The following ZFYVE26 variants were observed in gnomAD, a reference collection of about 807,000 sequenced individuals.
The protein encoded by ZFYVE26 is zinc finger FYVE-type containing 26.
Under a neutral mutation model 276.5 loss-of-function variants are expected in ZFYVE26, and 181 were observed. The observed-to-expected ratio is 0.65, with a 90% CI of 0.58 to 0.74. ZFYVE26 has a LOEUF of 0.74. Among genes scored for constraint, ZFYVE26 ranks in the 30% least tolerant of loss-of-function variants. The probability of loss-of-function intolerance (pLI) is 0.00; values close to 1 mark genes in which losing one functional copy is unlikely to be tolerated. For missense variants in ZFYVE26, 2,821 were observed against 3,097.9 expected, an observed-to-expected ratio of 0.91 and a Z score of 2.12; for synonymous variants, 1,129 against 1,203.1, an observed-to-expected ratio of 0.94 and a Z score of 1.27.
At position 67,798,799 on chromosome 14, in the gene ZFYVE26, A is replaced by C. The variant is rs7159622; in HGVS notation, c.1640-177T>G. Among the ~76,000 whole-genome samples the C allele has an allele frequency of 0.69, 105,492 of 152,184 alleles. 37,035 individuals carry two copies. The highest frequency in any genetic ancestry group is 0.98 in the East Asian group (5,052 of 5,170). ...GAATAAGAGACTTAGGATGTCTTTT[A>C]ATGATTTGCAGAAAGATTTTGCCAT... On this transcript the variant is annotated intron_variant, in intron 10 of 41. Coordinates refer to ENST00000347230, the MANE Select transcript of ZFYVE26 (RefSeq NM_015346.4).
intron 8 of ZFYVE26, 66 bp downstream of exon 8, chr14:67,805,151 A>G (rs2040150896): frequency 6.7e-7 from 1 of 1,501,268 alleles, no homozygotes; most frequent in African/African-American, 1.4e-5. Context: ...TGAAATGGCC[A>G]CACATGCGGA....
intron 16 of ZFYVE26, among the ~76,000 whole-genome samples, chr14:67,788,788 C>T (rs1461011509): frequency 6.6e-6 from 1 of 152,194 alleles, no homozygotes; most frequent in Non-Finnish European, 1.5e-5. Flanking sequence ...TTCCTTTCTC[C>T]TCCACTGCTC....
chr14:67,792,258 C>T (rs1022826581), intron 14 of ZFYVE26, among the ~76,000 whole-genome samples: 1 of 152,030 alleles, frequency 6.6e-6, no homozygotes, highest in Non-Finnish European at 1.5e-5. Flanking sequence ...TTCTGACCTA[C>T]ATGTTACGTA....
Position 67,807,915 on chromosome 14 carries a change from C to G in ZFYVE26, c.369G>C (p.Leu123=), listed in dbSNP as rs918553976. ...GDIPENILEE[L]YETLTQGAVG... ...CTGCACCCTGTGTTAAGGTCTCATACAGCTCCTAAATAGAGGATGAAGAAA... is the reference window on the plus strand; with the variant it reads ...CTGCACCCTGTGTTAAGGTCTCATAGAGCTCCTAAATAGAGGATGAAGAAA... The change falls in exon 5 of 42, where the codon CTG becomes CTC. Residue 123 remains leucine (L), a synonymous_variant. Transcript: ENST00000347230. The G allele has an allele frequency of 6.2e-7, 1 of 1,614,174 alleles. No individual in the cohort carries two copies. Among genetic ancestry groups the G allele is most frequent in the South Asian group, 1.1e-5 (1 of 91,078 alleles).
In ZFYVE26 at chr14:67,781,385, C is replaced by T. The variant is rs917435222; in HGVS notation, c.4517G>A (p.Gly1506Glu). ...CTTCCTCTGTAGCTCACACTTTAGTCCTTCTTGGACAGCCGTGTCTGAAAT... is the reference window on the plus strand; with the variant it reads ...CTTCCTCTGTAGCTCACACTTTAGTTCTTCTTGGACAGCCGTGTCTGAAAT... ...YCISDTAVQE[G>E]LKCELQRKLA... Residue 1506 changes from glycine to glutamate, a missense_variant, in exon 22 of 42, where the codon GGA becomes GAA. By Grantham distance (98) the Gly-to-Glu change is moderately conservative. Transcript: ENST00000347230. 2 of 1,614,094 alleles carry T rather than the reference C, an allele frequency of 1.2e-6. No homozygotes were observed. Among genetic ancestry groups the T allele is most frequent in the Non-Finnish European group, 1.7e-6 (2 of 1,180,040 alleles).
rs1459209181 is a variant in ZFYVE26, at chr14:67,816,533, C to G, written c.-84+1G>C. ...CCCTCTCAGGGGTGTCTTACACTCA[C>G]CTGCTCCCGGCGCCCAAAGCAATAG... On this transcript the variant is annotated splice_donor_variant, in intron 1 of 41. Transcript: ENST00000347230. LOFTEE classifies it low-confidence loss of function (5UTR_SPLICE). 4 of 152,794 alleles carry G rather than the reference C, an allele frequency of 2.6e-5. No homozygotes were observed. The highest frequency in any genetic ancestry group is 3.4e-3 in the Middle Eastern group (1 of 296). 9.5% of individuals were successfully genotyped at this position (152,794 alleles called of 1,614,324 possible).
chr14:67,802,268 G>T lies in ZFYVE26; in HGVS notation c.1450C>A (p.Pro484Thr), dbSNP rs749761873. 3 of 1,614,046 alleles carry T rather than the reference G, an allele frequency of 1.9e-6. No homozygotes were observed. The highest frequency in any genetic ancestry group is 2.5e-6 in the Non-Finnish European group (3 of 1,180,034). The change falls in exon 10 of 42, where the codon CCA becomes ACA. Residue 484 changes from proline (P) to threonine (T), a missense_variant. Coordinates refer to ENST00000347230, the MANE Select transcript of ZFYVE26 (RefSeq NM_015346.4). The part of the protein sequence containing the change: ...PQQEPDAVDA[P>T]VPEHLSQCQN... ...CACTGGCTCAGGTGCTCAGGGACTG[G>T]AGCATCAACTGCATCTGAATTACAA...
chr14:67,790,876 G>A, intron 14 of ZFYVE26, 103 bp from the exon 15 acceptor site: 1 of 1,070,246 alleles, frequency 9.3e-7, no homozygotes, highest in Non-Finnish European at 1.4e-6. Context: ...GCCCTAAGAT[G>A]TCTTTGTGCT....
In ZFYVE26 at chr14:67,815,780, T is replaced by G; in HGVS notation, c.184A>C (p.Asn62His). The G allele has an allele frequency of 6.2e-7, 1 of 1,613,186 alleles. No homozygotes were observed. Among genetic ancestry groups the G allele is most frequent in the Non-Finnish European group, 8.5e-7 (1 of 1,180,028 alleles). The change falls in exon 2 of 42, where the codon AAT (asparagine) becomes CAT (histidine). Residue 62 changes from asparagine to histidine, a missense_variant. By Grantham distance (68) the Asn-to-His change is moderately conservative. Transcript: ENST00000347230. ...DILQALVVCP[N>H]LLRCGQDINP... Reference sequence around the variant, plus strand: ...AAAGAGATCCCTTACCTCAGCAGATTTGGACACACCACCAATGCCTGAAGT... The same window carrying G: ...AAAGAGATCCCTTACCTCAGCAGATGTGGACACACCACCAATGCCTGAAGT...
At chr14:67,752,962 T>G (rs1422329756) in intron 39 of ZFYVE26, among the ~76,000 whole-genome samples, 1 of 152,158 alleles carries the variant, frequency 6.6e-6, no homozygotes. Context: ...GATAAACACC[T>G]TAAACCTGGT....
At chr14:67,762,159 G>A in intron 34 of ZFYVE26, 44 bp downstream of exon 34, 1 of 1,590,622 alleles carries the variant, frequency 6.3e-7, no homozygotes, top group Non-Finnish European at 8.6e-7. Context: ...GCTATTCCTG[G>A]GTCTCCCTCC....
At position 67,794,158 on chromosome 14, in the gene ZFYVE26, G is replaced by C. The variant is rs77104978; in HGVS notation, c.2401+13C>G. ...AGCTGCTCAAAGTTGGCAACTGGTG[G>C]AAATCTGCATACCTGACGTACTTGT... is the stretch of plus-strand genomic sequence containing the variant. On this transcript the variant is annotated intron_variant, in intron 13 of 41. Transcript: ENST00000347230. 968 of 1,614,028 alleles carry C rather than the reference G, an allele frequency of 6.0e-4. 6 individuals are homozygous for C. In the African/African-American group the frequency reaches 0.012, roughly 19 times the overall value.
chr14:67,802,194 G>T lies in ZFYVE26; in HGVS notation c.1524C>A (p.Ile508=). The T allele has an allele frequency of 6.2e-7, 1 of 1,614,224 alleles. No individual in the cohort carries two copies. Among genetic ancestry groups the T allele is most frequent in the Non-Finnish European group, 8.5e-7 (1 of 1,180,040 alleles). Residue 508 remains isoleucine (I), a synonymous_variant, in exon 10 of 42, where the codon ATC becomes ATA. Transcript: ENST00000347230. The part of the protein sequence containing the change: ...YQGFCAMKYA[I]YALCVNSHQH... The stretch of plus-strand genomic sequence containing the variant: ...GGTGTGAGTTTACACAGAGGGCATA[G>T]ATGGCATACTTCATGGCACAGAAGC...
Position 67,776,150 on chromosome 14 carries a change from A to G in ZFYVE26, c.4975-44T>C, listed in dbSNP as rs1037540069. The G allele has an allele frequency of 1.9e-6, 3 of 1,612,644 alleles. No homozygotes were observed. The African/African-American group carries it at 4.0e-5, about 22-fold the overall frequency. ...CATAGAGTAAAGAAAATAGTACACA[A>G]ATTTCAGAAAAAACTCAAGATTCTC... On this transcript the variant is annotated intron_variant, in intron 25 of 41. Transcript: ENST00000347230.
At chr14:67,739,377 A>C (rs2140168948) in intron 13 of ZFYVE26, among the ~76,000 whole-genome samples, 1 of 152,270 alleles carries the variant, frequency 6.6e-6, no homozygotes, top group Non-Finnish European at 1.5e-5. Flanking sequence ...CCAAGACTGG[A>C]GCTGTGCTCC....
rs1247556014 is a variant in ZFYVE26, at chr14:67,793,776, A to G, written c.2402-17T>C. 3 of 1,613,712 alleles carry G rather than the reference A, an allele frequency of 1.9e-6. No individual in the cohort carries two copies. The highest frequency in any genetic ancestry group is 1.7e-5 in the Admixed American group (1 of 60,000). On this transcript the variant is annotated splice_polypyrimidine_tract_variant and intron_variant, in intron 13 of 41. Coordinates refer to ENST00000347230, the MANE Select transcript of ZFYVE26 (RefSeq NM_015346.4). Reference sequence around the variant, plus strand: ...GACTTCCCTCTGTTGGGACACAAGAATGTGTGGGGCCAGAGAAGCAAGAGG... The same window carrying G: ...GACTTCCCTCTGTTGGGACACAAGAGTGTGTGGGGCCAGAGAAGCAAGAGG...
At chr14:67,800,922 CGT>C (rs2040063257) in intron 10 of ZFYVE26, among the ~76,000 whole-genome samples, 2 of 65,062 alleles carry the variant, frequency 3.1e-5, no homozygotes, top group African/African-American at 1.3e-4. Context: ...AAAAAGTTAC[CGT>C]ATAAATAAAT....
At chr14:67,740,099 A>T (rs890096298) in intron 13 of ZFYVE26, among the ~76,000 whole-genome samples, 1 of 152,216 alleles carries the variant, frequency 6.6e-6, no homozygotes, top group Non-Finnish European at 1.5e-5. Flanking sequence ...GATGATGCAA[A>T]AGAGTGCATC....
At chr14:67,812,078 A>G (rs1222965533) in intron 3 of ZFYVE26, among the ~76,000 whole-genome samples, 1 of 151,926 alleles carries the variant, frequency 6.6e-6, no homozygotes, top group East Asian at 1.9e-4. Context: ...CATGTATACC[A>G]AATGTACTTT....
Sources: allele counts gnomAD v4.1 joint callset (sites outside exome capture counted in the v4.1 genomes callset), GRCh38; gene constraint gnomAD v4.1.1; transcripts MANE v1.5; gene names NCBI Gene and HGNC (gene_info 2026-07-23, HGNC 2026-07-21).